The following FMO2 variants were observed in gnomAD, a reference collection of about 807,000 sequenced individuals.
FMO2 encodes flavin containing dimethylaniline monoxygenase 2, also known as flavin-containing monooxygenase 2.
Under a neutral mutation model 41.6 loss-of-function variants are expected in FMO2, and 33 were observed. The ratio of observed to expected loss-of-function variants is 0.79; its 90% CI spans 0.60 to 1.06. FMO2 has a LOEUF of 1.06. Ranked by LOEUF, FMO2 falls within the 50% of genes least tolerant of loss-of-function variation. The pLI is 0.00. For synonymous variants in FMO2, 214 were observed against 219.6 expected (o/e 0.97, Z 0.23); for missense variants, 619 against 632.9 (o/e 0.98, Z 0.23).
Position 171,193,372 on chromosome 1 carries a change from C to T in FMO2, c.170C>T (p.Ser57Phe), listed in dbSNP as rs763233358. 29 of 1,611,866 alleles carry T rather than the reference C, an allele frequency of 1.8e-5. No individual in the cohort carries two copies. The highest frequency in any genetic ancestry group is 1.6e-4 in the Middle Eastern group (1 of 6,080). Residue 57 changes from serine to phenylalanine, a missense_variant, in exon 3 of 9, where the codon TCT becomes TTT. Coordinates refer to ENST00000209929, the MANE Select transcript of FMO2 (RefSeq NM_001460.5). ...VEDGRASIYQ[S>F]VVTNTSKEMS... The stretch of plus-strand genomic sequence containing the variant: ...GATGGCCGAGCAAGTATCTATCAAT[C>T]TGTCGTTACCAACACCAGCAAAGAA...
At chr1:171,205,249 T>C in intron 6 of FMO2, 30 bp from the exon 7 acceptor site, 1 of 1,408,918 alleles carries the variant, frequency 7.1e-7, no homozygotes. Flanking sequence ...CAAATGATCC[T>C]TCAGAATGTT....
chr1:171,194,596 A>G (rs1426115653), intron 3 of FMO2, among the ~76,000 whole-genome samples: 1 of 152,148 alleles, frequency 6.6e-6, no homozygotes, highest in African/African-American at 2.4e-5. Flanking sequence ...TGTCTCTACA[A>G]AAAATTTTTA....
At position 171,209,254 on chromosome 1, in the gene FMO2, G is replaced by A. The variant is rs961109546; in HGVS notation, c.*109G>A. 1 of 408,936 alleles carries A rather than the reference G, an allele frequency of 2.4e-6. No homozygotes were observed. The highest frequency in any genetic ancestry group is 4.2e-5 in the Admixed American group (1 of 23,910). 25.3% of individuals were successfully genotyped at this position (408,936 alleles called of 1,614,324 possible). On this transcript the variant is annotated 3_prime_UTR_variant, in exon 9 of 9. Transcript: ENST00000209929. ...ATTCATGTTCTAATTATAGATTTTA[G>A]AGTTAGGTAGTACAGGTAAGGGGGA...
chr1:171,199,567 C>T lies in FMO2; in HGVS notation c.627+79C>T, dbSNP rs141440111. 2.4e-5 allele frequency: 33 copies of T among 1,386,688 alleles called. No individual in the cohort carries two copies. In the African/African-American group the frequency reaches 3.2e-4, roughly 14 times the overall value. 85.9% of individuals were successfully genotyped at this position (1,386,688 alleles called of 1,614,324 possible). A position where few individuals can be genotyped will look rare whatever the true frequency, so the allele number is the denominator to read the frequency against. ...TACTGGAGAACCCCAGCCATATAAT[C>T]GCGGCTCCAATCCTCATTAACTAGT... On this transcript the variant is annotated intron_variant, in intron 5 of 8. Coordinates refer to ENST00000209929, the MANE Select transcript of FMO2 (RefSeq NM_001460.5).
chr1:171,187,662 T>C (rs986160207), intron 2 of FMO2, among the ~76,000 whole-genome samples: 1 of 150,460 alleles, frequency 6.6e-6, no homozygotes, highest in African/African-American at 2.5e-5. Flanking sequence ...AAATACTGAT[T>C]TGTGGGCACT....
chr1:171,200,390 A>G (rs570861332), intron 5 of FMO2, among the ~76,000 whole-genome samples: 1 of 152,116 alleles, frequency 6.6e-6, no homozygotes, highest in African/African-American at 2.4e-5. Flanking sequence ...ATCACTAAAC[A>G]TCCTTTCCCA....
chr1:171,205,057 T>C (rs1658697841), intron 6 of FMO2, among the ~76,000 whole-genome samples: 1 of 152,200 alleles, frequency 6.6e-6, no homozygotes, highest in African/African-American at 2.4e-5. Context: ...TCTCTTTCAC[T>C]CACGTTGCCT....
intron 3 of FMO2, 34 bp downstream of exon 3, chr1:171,193,557 A>G (rs1215289887): frequency 7.4e-7 from 1 of 1,343,850 alleles, no homozygotes; most frequent in South Asian, 1.2e-5. Context: ...GTTTCTCTGC[A>G]TTAGTTCAGC....
At chr1:171,191,241 A>G (rs549584239) in intron 2 of FMO2, among the ~76,000 whole-genome samples, 1 of 152,184 alleles carries the variant, frequency 6.6e-6, no homozygotes, top group Non-Finnish European at 1.5e-5. Flanking sequence ...CCCAAAGGCC[A>G]GTTTTGCCCT....
At chr1:171,190,344 ATTCT>A (rs1408533128) in intron 2 of FMO2, among the ~76,000 whole-genome samples, 2 of 152,202 alleles carry the variant, frequency 1.3e-5, no homozygotes, top group African/African-American at 2.4e-5. Flanking sequence ...TATTAGAAGA[ATTCT>A]TTATTATATG....
chr1:171,200,059 C>T (rs1008905438), intron 5 of FMO2, among the ~76,000 whole-genome samples: 6 of 152,148 alleles, frequency 3.9e-5, no homozygotes, highest in African/African-American at 1.2e-4. Flanking sequence ...AGAGGTTAAT[C>T]TGTTCATATT....
intron 5 of FMO2, among the ~76,000 whole-genome samples, chr1:171,201,713 T>C (rs4916243): frequency 0.12 from 17,807 of 152,224 alleles, 1,178 homozygotes; most frequent in African/African-American, 0.17. Flanking sequence ...CTGGGTAATT[T>C]ATAAAGAAAA....
chr1:171,208,883 T>G lies in FMO2; in HGVS notation c.1346T>G (p.Phe449Cys), dbSNP rs777288150. 6.2e-7 allele frequency: 1 copy of G among 1,614,028 alleles called. No individual in the cohort carries two copies. Among genetic ancestry groups the G allele is most frequent in the South Asian group, 1.1e-5 (1 of 91,082 alleles). ...LALEIGAKPD[F>C]CSLLFKDPKL... ...TTAGAGATAGGTGCGAAGCCAGATTTCTGCTCTCTCTTGTTCAAAGATCCT... is the reference window on the plus strand; with the variant it reads ...TTAGAGATAGGTGCGAAGCCAGATTGCTGCTCTCTCTTGTTCAAAGATCCT... The change falls in exon 9 of 9, where the codon TTC (phenylalanine) becomes TGC (cysteine). Residue 449 changes from phenylalanine to cysteine, a missense_variant. Transcript: ENST00000209929.
intron 2 of FMO2, among the ~76,000 whole-genome samples, chr1:171,189,295 T>G (rs1243394063): frequency 6.6e-6 from 1 of 152,226 alleles, no homozygotes; most frequent in African/African-American, 2.4e-5. Flanking sequence ...TATTTTAATT[T>G]TCATGTAATA....
chr1:171,193,121 A>G lies in FMO2; in HGVS notation c.133-214A>G, dbSNP rs1571275680. ...CCTCACCATTGCCAATATTACCCCT[A>G]CCCCTCACAGTGAGCGTCACAGGCA... is the stretch of plus-strand genomic sequence containing the variant. On this transcript the variant is annotated intron_variant, in intron 2 of 8. Coordinates refer to ENST00000209929, the MANE Select transcript of FMO2 (RefSeq NM_001460.5). Among the ~76,000 whole-genome samples, 5 of 152,144 alleles carry G rather than the reference A, an allele frequency of 3.3e-5. No homozygotes were observed. In the East Asian group the frequency reaches 9.6e-4, roughly 29 times the overall value.
chr1:171,198,524 C>T (rs1557979247), intron 4 of FMO2, among the ~76,000 whole-genome samples: 2 of 151,666 alleles, frequency 1.3e-5, no homozygotes, highest in East Asian at 3.9e-4. Flanking sequence ...AAGCAATTCT[C>T]CTGCCTCAGC....
chr1:171,197,544 A>G (rs769188553), intron 4 of FMO2, among the ~76,000 whole-genome samples: 5 of 152,178 alleles, frequency 3.3e-5, no homozygotes, highest in Non-Finnish European at 7.3e-5. Flanking sequence ...TGAAAGCACA[A>G]ATTGCTAGGC....
chr1:171,193,417 T>A lies in FMO2; in HGVS notation c.215T>A (p.Phe72Tyr). 6.2e-7 allele frequency: 1 copy of A among 1,610,286 alleles called. No individual in the cohort carries two copies. The highest frequency in any genetic ancestry group is 1.1e-5 in the South Asian group (1 of 90,964). ...TSKEMSCFSD[F>Y]PMPEDFPNFL... ...AAAGAAATGTCCTGTTTCAGTGACTTTCCAATGCCTGAAGATTTTCCAAAC... is the reference window on the plus strand; with the variant it reads ...AAAGAAATGTCCTGTTTCAGTGACTATCCAATGCCTGAAGATTTTCCAAAC... Residue 72 changes from phenylalanine (F) to tyrosine (Y), a missense_variant, in exon 3 of 9, where the codon TTT becomes TAT. Coordinates refer to ENST00000209929, the MANE Select transcript of FMO2 (RefSeq NM_001460.5).
intron 2 of FMO2, among the ~76,000 whole-genome samples, chr1:171,187,336 A>C (rs1657892371): frequency 6.6e-6 from 1 of 152,150 alleles, no homozygotes; most frequent in African/African-American, 2.4e-5. Flanking sequence ...ATCAGCAGAG[A>C]CCATATAAAG....
Sources: gnomAD v4.1 joint callset for allele counts (sites outside exome capture counted in the v4.1 genomes callset) on GRCh38, gnomAD v4.1.1 for gene constraint, MANE v1.5 for transcripts, NCBI Gene and HGNC (gene_info 2026-07-23, HGNC 2026-07-21) for gene names.